Variants in ASRGL1 observed in about 807,000 individuals in gnomAD.
The protein encoded by ASRGL1 is isoaspartyl peptidase/L-asparaginase.
A neutral mutation model predicts 22.4 loss-of-function variants in ASRGL1; 16 were observed. The observed-to-expected ratio is 0.71, with a 90% CI of 0.48 to 1.08. The LOEUF is 1.08. ASRGL1 is among the 50% of genes least tolerant of loss of function. ASRGL1 has a pLI of 0.00. For synonymous variants in ASRGL1, 165 were observed against 159.3 expected, an observed-to-expected ratio of 1.04 and a Z score of -0.27; for missense variants, 412 against 410.1, an observed-to-expected ratio of 1.00 and a Z score of -0.04.
chr11:62,372,989 A>C (rs1396205207), intron 4 of ASRGL1: 30 of 1,413,044 alleles, frequency 2.1e-5, no homozygotes, highest in Non-Finnish European at 3.0e-5. Flanking sequence ...CCTTTGGGGA[A>C]CTGGGCTACA....
At chr11:62,376,257 A>G (rs1478710586) in intron 4 of ASRGL1, among the ~76,000 whole-genome samples, 5 of 151,612 alleles carry the variant, frequency 3.3e-5, no homozygotes, top group Non-Finnish European at 5.9e-5. Context: ...GTGGATGGCA[A>G]CTTCGTCTGT....
intron 4 of ASRGL1, among the ~76,000 whole-genome samples, chr11:62,373,574 C>T (rs1946832303): frequency 6.6e-6 from 1 of 152,182 alleles, no homozygotes; most frequent in Non-Finnish European, 1.5e-5. Flanking sequence ...TCGCCATTTA[C>T]TCAGAAAAAA....
intron 2 of ASRGL1, among the ~76,000 whole-genome samples, chr11:62,347,788 G>A (rs1054989307): frequency 3.4e-4 from 52 of 152,194 alleles, no homozygotes; most frequent in African/African-American, 1.2e-3. Flanking sequence ...AAAATTAGCC[G>A]GGCATGGTGG....
intron 4 of ASRGL1, among the ~76,000 whole-genome samples, chr11:62,360,696 T>C (rs1946412030): frequency 6.6e-6 from 1 of 152,156 alleles, no homozygotes; most frequent in South Asian, 2.1e-4. Context: ...GTAAGAAAAT[T>C]ATTCTCACCA....
rs2134708966 is a variant in ASRGL1, at chr11:62,392,661, C to T, written c.*377C>T. Reference sequence around the variant, plus strand: ...GTGGGAGACCCACAGCCTGCAGACACTGTGGGCTGGAAGGTGGGAAGGGAG... The same window carrying T: ...GTGGGAGACCCACAGCCTGCAGACATTGTGGGCTGGAAGGTGGGAAGGGAG... On this transcript the variant is annotated 3_prime_UTR_variant, in exon 7 of 7. Coordinates refer to ENST00000415229, the MANE Select transcript of ASRGL1 (RefSeq NM_001083926.2). 3.9e-6 allele frequency: 1 copy of T among 254,256 alleles called. No homozygotes were observed. The highest frequency in any genetic ancestry group is 1.0e-4 in the East Asian group (1 of 9,896). The allele number at this position is 254,256 out of a possible 1,614,324, so 15.7% of individuals were successfully genotyped here.
At chr11:62,381,392 C>A (rs915859433) in intron 4 of ASRGL1, among the ~76,000 whole-genome samples, 1 of 152,182 alleles carries the variant, frequency 6.6e-6, no homozygotes, top group African/African-American at 2.4e-5. Context: ...TACATATTTA[C>A]AATGTGAACT....
intron 2 of ASRGL1, among the ~76,000 whole-genome samples, chr11:62,351,532 C>T (rs1946166673): frequency 6.6e-6 from 1 of 152,080 alleles, no homozygotes; most frequent in African/African-American, 2.4e-5. Flanking sequence ...CGCCTGTAAT[C>T]CCAGCTGCTC....
Position 62,379,929 on chromosome 11 carries a change from T to TAGCCC in ASRGL1, c.492-9202_492-9201insCCCAG, listed in dbSNP as rs1402214602. ...AATTTAGAATTTGATAGAATTCTAATAGTGTTTTTCTTTTTTACATCTTGG... is the reference window on the plus strand; with the variant it reads ...AATTTAGAATTTGATAGAATTCTAATAGCCCAGTGTTTTTCTTTTTTACATCTTGG... On this transcript the variant is annotated intron_variant, in intron 4 of 6. Transcript: ENST00000415229. Among the ~76,000 whole-genome samples the TAGCCC allele has an allele frequency of 9.7e-3, 1,482 of 152,308 alleles. 32 individuals carry two copies. Among genetic ancestry groups the TAGCCC allele is most frequent in the African/African-American group, 0.031 (1,291 of 41,546 alleles).
intron 4 of ASRGL1, chr11:62,371,953 CAAAAAAAA>C (rs35892721): frequency 6.7e-5 from 28 of 420,308 alleles, no homozygotes; most frequent in African/African-American, 2.9e-4. Context: ...GACTCCGTCT[CAAAAAAAA>C]AAAAAAAAAA....
intron 4 of ASRGL1, among the ~76,000 whole-genome samples, chr11:62,363,263 A>G (rs1187824224): frequency 1.3e-5 from 2 of 151,950 alleles, no homozygotes; most frequent in African/African-American, 4.8e-5. Flanking sequence ...TTATAGAAAC[A>G]AAATCAAAAC....
At chr11:62,376,452 C>T (rs1014234413) in intron 4 of ASRGL1, among the ~76,000 whole-genome samples, 1 of 152,162 alleles carries the variant, frequency 6.6e-6, no homozygotes, top group African/African-American at 2.4e-5. Context: ...CTTTCCCCCA[C>T]GTTACCACCT....
At chr11:62,357,666 A>C (rs930214064) in intron 4 of ASRGL1, among the ~76,000 whole-genome samples, 1 of 152,124 alleles carries the variant, frequency 6.6e-6, no homozygotes, top group African/African-American at 2.4e-5. Context: ...TCTGTGATCT[A>C]GTGTACCTTA....
At chr11:62,346,951 A>G (rs902026448) in intron 2 of ASRGL1, among the ~76,000 whole-genome samples, 3 of 148,258 alleles carry the variant, frequency 2.0e-5, no homozygotes, top group Non-Finnish European at 4.5e-5. Context: ...GCCTGGGGCG[A>G]CAGTGAGACT....
chr11:62,352,767 C>T (rs1481001723), intron 2 of ASRGL1, among the ~76,000 whole-genome samples: 5 of 152,224 alleles, frequency 3.3e-5, no homozygotes, highest in Admixed American at 1.3e-4. Context: ...TTCTGGCCTC[C>T]GTGGTTTCTG....
chr11:62,338,785 GAA>G (rs553788410), intron 2 of ASRGL1, among the ~76,000 whole-genome samples: 1 of 126,414 alleles, frequency 7.9e-6, no homozygotes. Context: ...AAATACAAAA[GAA>G]AAAAAAAAAA....
rs1487219008 is a variant in ASRGL1 at position 62,362,572 on chromosome 11, T to TATAAC, written c.491+5431_491+5432insACATA. Among the ~76,000 whole-genome samples, 13 of 68,592 alleles carry TATAAC rather than the reference T, an allele frequency of 1.9e-4. 2 individuals are homozygous for TATAAC. Among genetic ancestry groups the TATAAC allele is most frequent in the South Asian group, 3.5e-4 (1 of 2,818 alleles). The allele number at this position is 68,592 out of a possible 152,430, so 45.0% of individuals were successfully genotyped here. On this transcript the variant is annotated intron_variant, in intron 4 of 6. Coordinates refer to ENST00000415229, the MANE Select transcript of ASRGL1 (RefSeq NM_001083926.2). ...TATAACATATATTATTTATATAATA[T>TATAAC]ATATTATATAAAATATATAATATAT... is the stretch of plus-strand genomic sequence containing the variant.
intron 4 of ASRGL1, among the ~76,000 whole-genome samples, chr11:62,361,485 T>G (rs111576531): frequency 3.4e-3 from 463 of 137,170 alleles, no homozygotes; most frequent in South Asian, 8.9e-3. Context: ...TGGCCAATTT[T>G]TTTTTTTTTT....
chr11:62,392,401 T>G lies in ASRGL1; in HGVS notation c.*117T>G, dbSNP rs1267229733. 8.1e-7 allele frequency: 1 copy of G among 1,238,524 alleles called. No individual in the cohort carries two copies. Among genetic ancestry groups the G allele is most frequent in the Non-Finnish European group, 1.1e-6 (1 of 879,226 alleles). 76.7% of individuals were successfully genotyped at this position (1,238,524 alleles called of 1,614,324 possible). On this transcript the variant is annotated 3_prime_UTR_variant, in exon 7 of 7. Coordinates refer to ENST00000415229, the MANE Select transcript of ASRGL1 (RefSeq NM_001083926.2). ...AAAAATTGTCCCGTCTGTCACTTGT[T>G]TTGTTGCCTTAATAAGCATCTGAAT...
chr11:62,338,806 G>A (rs1003600558), intron 2 of ASRGL1, among the ~76,000 whole-genome samples: 8 of 151,436 alleles, frequency 5.3e-5, no homozygotes, highest in African/African-American at 1.7e-4. Context: ...AAAGCCAGGC[G>A]TGGTGCTAGG....
Sources: allele counts gnomAD v4.1 joint callset (sites outside exome capture counted in the v4.1 genomes callset), GRCh38; gene constraint gnomAD v4.1.1; transcripts MANE v1.5; gene names NCBI Gene and HGNC (gene_info 2026-07-23, HGNC 2026-07-21).